The following CACNA2D3 variants were observed in gnomAD, a reference collection of about 807,000 sequenced individuals.
CACNA2D3 encodes voltage-dependent calcium channel subunit alpha-2/delta-3.
CACNA2D3 carries 60 observed loss-of-function variants against 160.6 expected under a neutral mutation model. The ratio of observed to expected loss-of-function variants is 0.37; its 90% CI spans 0.30 to 0.46. The LOEUF (loss-of-function observed/expected upper bound fraction) is 0.46. Among genes scored for constraint, CACNA2D3 ranks in the 20% least tolerant of loss-of-function variants. The probability of loss-of-function intolerance (pLI) is 1.00; values close to 1 mark genes in which losing one functional copy is unlikely to be tolerated. For synonymous variants in CACNA2D3, 558 were observed against 492.9 expected (o/e 1.13, Z -1.75); for missense variants, 1,205 against 1,365.0 (o/e 0.88, Z 1.85).
At chr3:54,300,288 A>T (rs1377082008) in intron 2 of CACNA2D3, among the ~76,000 whole-genome samples, 3 of 152,102 alleles carry the variant, frequency 2.0e-5, no homozygotes, top group Non-Finnish European at 2.9e-5. Flanking sequence ...GTTTCATAGG[A>T]TGTGATGCCC....
chr3:54,513,445 C>G (rs11713691), intron 5 of CACNA2D3, among the ~76,000 whole-genome samples: 1 of 152,078 alleles, frequency 6.6e-6, no homozygotes, highest in Non-Finnish European at 1.5e-5. Context: ...CAATGCAATC[C>G]TACCCCAACT....
At chr3:54,985,971 T>C in intron 30 of CACNA2D3, among the ~76,000 whole-genome samples, 1 of 152,130 alleles carries the variant, frequency 6.6e-6, no homozygotes, top group Middle Eastern at 3.2e-3. Context: ...AATGGGCCCA[T>C]GAAACAAGGC....
chr3:54,282,853 T>C (rs1702914467), intron 2 of CACNA2D3, among the ~76,000 whole-genome samples: 1 of 148,004 alleles, frequency 6.8e-6, no homozygotes, highest in Non-Finnish European at 1.5e-5. Context: ...TTCGCTTTGT[T>C]TTTTTTTTTG....
intron 34 of CACNA2D3, among the ~76,000 whole-genome samples, chr3:55,014,518 CAGG>C (rs1703284791): frequency 6.6e-6 from 1 of 152,076 alleles, no homozygotes; most frequent in Admixed American, 6.6e-5. Flanking sequence ...TCACTGAGGC[CAGG>C]AGTTCGAGAC....
intron 9 of CACNA2D3, among the ~76,000 whole-genome samples, chr3:54,606,163 T>C (rs1199967547): frequency 6.6e-6 from 1 of 150,658 alleles, no homozygotes; most frequent in Non-Finnish European, 1.5e-5. Flanking sequence ...TATATATATT[T>C]CATTTATGAA....
chr3:54,171,935 C>T (rs916791497), intron 2 of CACNA2D3, among the ~76,000 whole-genome samples: 1 of 152,244 alleles, frequency 6.6e-6, no homozygotes, highest in African/African-American at 2.4e-5. Context: ...CTTTCCTCAA[C>T]TGGAGCCTAC....
At chr3:54,925,345 G>T in intron 27 of CACNA2D3, 1 of 713,148 alleles carries the variant, frequency 1.4e-6, no homozygotes, top group East Asian at 2.6e-5. Context: ...TGCAAGAGAG[G>T]TTCTGTCACT....
At chr3:54,288,565 C>G (rs1419598377) in intron 2 of CACNA2D3, among the ~76,000 whole-genome samples, 1 of 152,154 alleles carries the variant, frequency 6.6e-6, no homozygotes. Flanking sequence ...CTCCCTAACT[C>G]ATTTTATGAG....
At chr3:55,019,865 T>C (rs985883185) in intron 35 of CACNA2D3, among the ~76,000 whole-genome samples, 1 of 152,224 alleles carries the variant, frequency 6.6e-6, no homozygotes, top group Admixed American at 6.5e-5. Context: ...GTATGTTTGC[T>C]AAAGGACTTT....
chr3:54,340,265 C>G (rs1382184332), intron 3 of CACNA2D3, among the ~76,000 whole-genome samples: 1 of 152,138 alleles, frequency 6.6e-6, no homozygotes, highest in Non-Finnish European at 1.5e-5. Flanking sequence ...ACACAAACAC[C>G]CATACACCCC....
chr3:54,240,335 A>G (rs1291668100), intron 2 of CACNA2D3, among the ~76,000 whole-genome samples: 2 of 152,194 alleles, frequency 1.3e-5, no homozygotes, highest in South Asian at 2.1e-4. Flanking sequence ...TTGAAAGATC[A>G]GGGATGATAA....
At chr3:54,926,893 AGAG>A (rs1701038687) in intron 27 of CACNA2D3, among the ~76,000 whole-genome samples, 1 of 152,200 alleles carries the variant, frequency 6.6e-6, no homozygotes, top group Non-Finnish European at 1.5e-5. Context: ...CAGGGCTCAG[AGAG>A]GAGATTAAGT....
At chr3:55,007,935 A>G (rs1040726128) in intron 33 of CACNA2D3, 93 bp downstream of exon 33, 26 of 795,138 alleles carry the variant, frequency 3.3e-5, no homozygotes, top group Non-Finnish European at 4.6e-5. Context: ...CATGCCTTCA[A>G]TAACCATTAG....
chr3:54,878,278 G>T (rs773647074), intron 18 of CACNA2D3, among the ~76,000 whole-genome samples: 2 of 152,100 alleles, frequency 1.3e-5, no homozygotes, highest in African/African-American at 2.4e-5. Flanking sequence ...CCATTAACTG[G>T]CCTTCTCTGT....
intron 3 of CACNA2D3, among the ~76,000 whole-genome samples, chr3:54,328,573 C>T (rs1008377080): frequency 6.6e-5 from 10 of 152,210 alleles, no homozygotes; most frequent in East Asian, 1.9e-4. Flanking sequence ...TGAGCCACCA[C>T]GCCTGGCCTC....
chr3:54,343,095 T>G (rs1420342042), intron 3 of CACNA2D3, among the ~76,000 whole-genome samples: 1 of 152,194 alleles, frequency 6.6e-6, no homozygotes, highest in African/African-American at 2.4e-5. Context: ...GAAACAGATT[T>G]ATTGCATTAA....
At chr3:54,993,290 A>G (rs1347241846) in intron 31 of CACNA2D3, among the ~76,000 whole-genome samples, 3 of 152,250 alleles carry the variant, frequency 2.0e-5, no homozygotes, top group Non-Finnish European at 2.9e-5. Flanking sequence ...CAGGTAGGGC[A>G]CCTTGCTCCA....
intron 2 of CACNA2D3, among the ~76,000 whole-genome samples, chr3:54,221,474 A>G (rs921082585): frequency 1.3e-5 from 2 of 152,212 alleles, no homozygotes; most frequent in Non-Finnish European, 2.9e-5. Context: ...TTTAACAAGA[A>G]CCATTTGCGG....
At chr3:54,169,261 G>A (rs568784602) in intron 2 of CACNA2D3, among the ~76,000 whole-genome samples, 4 of 152,258 alleles carry the variant, frequency 2.6e-5, no homozygotes, top group African/African-American at 9.6e-5. Flanking sequence ...AAAAAGTAAC[G>A]GCCTGTGTGA....
Sources: allele counts gnomAD v4.1 joint callset (sites outside exome capture counted in the v4.1 genomes callset), GRCh38; gene constraint gnomAD v4.1.1; transcripts MANE v1.5; gene names NCBI Gene and HGNC (gene_info 2026-07-23, HGNC 2026-07-21).